The following ENTREP2 variants were observed in gnomAD, a reference collection of about 807,000 sequenced individuals.
ENTREP2 encodes endosomal transmembrane epsin interactor 2, also known as protein ENTREP2.
chr15:29,280,629 C>A, the ENTREP2 span, among the ~76,000 whole-genome samples: 1,999 of 152,310 alleles, frequency 0.013, 53 homozygotes, highest in African/African-American at 0.046. Flanking sequence ...AATGCCCCCC[C>A]ACACAGGTTA....
the ENTREP2 span, among the ~76,000 whole-genome samples, chr15:29,439,720 C>T: frequency 5.3e-5 from 8 of 152,176 alleles, no homozygotes; most frequent in East Asian, 3.9e-4. Context: ...CTTTAACTCA[C>T]GTCCACTAAT....
the ENTREP2 span, among the ~76,000 whole-genome samples, chr15:29,206,477 T>C: frequency 3.2e-4 from 48 of 152,104 alleles, no homozygotes; most frequent in African/African-American, 1.1e-3. Flanking sequence ...CCCCAAAAAC[T>C]CCAGTAATCA....
At chr15:29,234,554 G>T in the ENTREP2 span, 1 of 1,399,528 alleles carries the variant, frequency 7.1e-7, no homozygotes, top group Non-Finnish European at 1.0e-6. Flanking sequence ...AGCAACAGAT[G>T]TGGCAGCACG....
At chr15:29,234,608 C>A in the ENTREP2 span, 6 of 1,535,228 alleles carry the variant, frequency 3.9e-6, no homozygotes, top group African/African-American at 6.8e-5. Context: ...TTCTTTTGTG[C>A]AGCTAGTTTT....
At chr15:29,592,642 T>C in the ENTREP2 span, among the ~76,000 whole-genome samples, 4 of 152,208 alleles carry the variant, frequency 2.6e-5, no homozygotes, top group African/African-American at 9.7e-5. Context: ...GGTGCTATAG[T>C]TTGGATGTTT....
the ENTREP2 span, among the ~76,000 whole-genome samples, chr15:29,545,250 A>C: frequency 6.6e-6 from 1 of 152,246 alleles, no homozygotes; most frequent in Non-Finnish European, 1.5e-5. Context: ...ATTATGGAAA[A>C]AGTGAAAATC....
chr15:29,601,214 G>A, the ENTREP2 span, among the ~76,000 whole-genome samples: 4 of 151,766 alleles, frequency 2.6e-5, no homozygotes, highest in East Asian at 1.9e-4. Context: ...TCAATGATAC[G>A]TTCTAATGCT....
At chr15:29,581,469 ATC>A in the ENTREP2 span, among the ~76,000 whole-genome samples, 3 of 152,306 alleles carry the variant, frequency 2.0e-5, no homozygotes, top group South Asian at 6.2e-4. Context: ...TTTCCATCTC[ATC>A]CATAAACACC....
the ENTREP2 span, among the ~76,000 whole-genome samples, chr15:29,453,837 C>T: frequency 1.3e-5 from 2 of 152,144 alleles, no homozygotes; most frequent in Admixed American, 6.5e-5. Context: ...TTTGAAAGCA[C>T]GGTTTTAATG....
chr15:29,401,253 A>G, the ENTREP2 span, among the ~76,000 whole-genome samples: 1 of 152,262 alleles, frequency 6.6e-6, no homozygotes, highest in Non-Finnish European at 1.5e-5. Context: ...GGTTTCAAAT[A>G]GGAAAAATAT....
At chr15:29,290,198 G>C in the ENTREP2 span, among the ~76,000 whole-genome samples, 1 of 152,138 alleles carries the variant, frequency 6.6e-6, no homozygotes, top group Admixed American at 6.5e-5. Context: ...AGCCCCTGTT[G>C]TCTAGCCTCA....
At chr15:29,330,147 G>T in the ENTREP2 span, among the ~76,000 whole-genome samples, 2 of 152,050 alleles carry the variant, frequency 1.3e-5, no homozygotes, top group Admixed American at 6.6e-5. Flanking sequence ...GATGAGATAA[G>T]AACAGTCTTG....
the ENTREP2 span, among the ~76,000 whole-genome samples, chr15:29,179,912 G>T: frequency 6.6e-6 from 1 of 152,066 alleles, no homozygotes; most frequent in Admixed American, 6.5e-5. Context: ...CTTGGGAGTG[G>T]CCAGTGCAGA....
chr15:29,608,905 G>C, the ENTREP2 span, among the ~76,000 whole-genome samples: 1 of 152,120 alleles, frequency 6.6e-6, no homozygotes, highest in Non-Finnish European at 1.5e-5. Context: ...GAACTACCTC[G>C]CACTAGAGAG....
At chr15:29,547,501 G>A in the ENTREP2 span, among the ~76,000 whole-genome samples, 51,019 of 151,808 alleles carry the variant, frequency 0.34, 8,750 homozygotes, top group East Asian at 0.41. Context: ...TTCATCATTA[G>A]GGAAATGCAA....
At chr15:29,297,193 C>T in the ENTREP2 span, among the ~76,000 whole-genome samples, 1,353 of 152,226 alleles carry the variant, frequency 8.9e-3, 7 homozygotes, top group Non-Finnish European at 0.012. Context: ...GTCCAGCATA[C>T]GCTCAAAACT....
chr15:29,414,193 T>G, the ENTREP2 span, among the ~76,000 whole-genome samples: 1 of 152,118 alleles, frequency 6.6e-6, no homozygotes, highest in Non-Finnish European at 1.5e-5. Context: ...CAACAGAATA[T>G]ATATTCTTTT....
At chr15:29,569,182 A>T in the ENTREP2 span, among the ~76,000 whole-genome samples, 2 of 152,258 alleles carry the variant, frequency 1.3e-5, no homozygotes, top group East Asian at 3.9e-4. Flanking sequence ...CTTTTCTTTG[A>T]ATACTCCCAG....
the ENTREP2 span, chr15:29,234,603 T>C: frequency 4.6e-6 from 7 of 1,531,952 alleles, no homozygotes; most frequent in East Asian, 1.6e-4. Flanking sequence ...CAATCTTCTT[T>C]TGTGCAGCTA....
Sources: allele counts gnomAD v4.1 joint callset (sites outside exome capture counted in the v4.1 genomes callset), GRCh38; gene constraint gnomAD v4.1.1; transcripts MANE v1.5; gene names NCBI Gene and HGNC (gene_info 2026-07-23, HGNC 2026-07-21).